The following RIT2 variants were observed in gnomAD, a reference collection of about 807,000 sequenced individuals.
The protein encoded by RIT2 is GTP-binding protein Rit2.
RIT2 carries 24 observed loss-of-function variants against 23.7 expected under a neutral mutation model. That is an observed-to-expected ratio of 1.01 (90% CI 0.73 to 1.43). The LOEUF is 1.43. RIT2 is among the 40% of genes most tolerant of loss of function. The pLI, the probability that RIT2 is intolerant of heterozygous loss-of-function variation, is 0.00. For missense variants in RIT2, 236 were observed against 266.9 expected (o/e 0.88, Z 0.81); for synonymous variants, 107 against 91.1 (o/e 1.17, Z -0.99).
chr18:42,918,574 GC>G (rs1908972804), intron 4 of RIT2, among the ~76,000 whole-genome samples: 1 of 151,968 alleles, frequency 6.6e-6, no homozygotes, highest in African/African-American at 2.4e-5. Flanking sequence ...AGATAATTAA[GC>G]ACTACTCTTA....
rs4349236 is a variant in RIT2, at chr18:42,800,595, A to G, written c.427-56875T>C. On this transcript the variant is annotated intron_variant, in intron 4 of 4. Coordinates refer to ENST00000326695, the MANE Select transcript of RIT2 (RefSeq NM_002930.4). ...TGGAGTGCTGGCGTGGAGTGGCGCC[A>G]TCTGGCTCACTGCAAGCTCCACCTC... Among the ~76,000 whole-genome samples the G allele has an allele frequency of 3.4e-3, 489 of 144,716 alleles. 13 individuals are homozygous for G. In the East Asian group the frequency reaches 0.063, roughly 19 times the overall value. The allele number at this position is 144,716 out of a possible 152,430, so 94.9% of individuals were successfully genotyped here.
intron 4 of RIT2, among the ~76,000 whole-genome samples, chr18:42,855,690 G>A (rs1907162431): frequency 6.6e-6 from 1 of 152,058 alleles, no homozygotes; most frequent in Non-Finnish European, 1.5e-5. Context: ...AGTTCACAAA[G>A]TCTAGTCAGC....
At chr18:43,086,892 C>T (rs1381408191) in intron 1 of RIT2, among the ~76,000 whole-genome samples, 1 of 152,132 alleles carries the variant, frequency 6.6e-6, no homozygotes, top group Non-Finnish European at 1.5e-5. Context: ...AATCTTCCTG[C>T]AGGACAGTGA....
At chr18:43,087,964 T>C (rs574962629) in intron 1 of RIT2, among the ~76,000 whole-genome samples, 2 of 152,330 alleles carry the variant, frequency 1.3e-5, no homozygotes, top group South Asian at 2.1e-4. Flanking sequence ...TGTTTCTTAA[T>C]AATTTTACTT....
intron 4 of RIT2, among the ~76,000 whole-genome samples, chr18:42,816,850 C>T (rs1475702664): frequency 1.3e-5 from 2 of 152,142 alleles, no homozygotes; most frequent in Non-Finnish European, 2.9e-5. Flanking sequence ...TTTGGTTCCA[C>T]TGCTTACTGT....
chr18:43,055,993 GT>G (rs1049642228), intron 1 of RIT2, among the ~76,000 whole-genome samples: 4 of 152,074 alleles, frequency 2.6e-5, no homozygotes, highest in African/African-American at 9.7e-5. Context: ...TAAGCCCTCA[GT>G]TTTTCTCTGA....
At chr18:42,817,103 C>T (rs989468500) in intron 4 of RIT2, among the ~76,000 whole-genome samples, 1 of 151,908 alleles carries the variant, frequency 6.6e-6, no homozygotes, top group African/African-American at 2.4e-5. Flanking sequence ...TCTCAGACTC[C>T]AATCTGGCTC....
At chr18:42,961,426 A>T (rs1910090834) in intron 3 of RIT2, among the ~76,000 whole-genome samples, 1 of 152,204 alleles carries the variant, frequency 6.6e-6, no homozygotes. Context: ...TCCGAATATG[A>T]TTACACTCAG....
At chr18:42,980,613 G>A (rs1160649618) in intron 2 of RIT2, among the ~76,000 whole-genome samples, 4 of 152,118 alleles carry the variant, frequency 2.6e-5, no homozygotes, top group Non-Finnish European at 5.9e-5. Context: ...TTTGCAGGCA[G>A]ATTCTCCAGT....
At chr18:42,950,381 T>A (rs886964509) in intron 3 of RIT2, among the ~76,000 whole-genome samples, 4 of 151,888 alleles carry the variant, frequency 2.6e-5, no homozygotes, top group African/African-American at 9.7e-5. Flanking sequence ...CTTTCACCAT[T>A]AAAAATTAGC....
intron 4 of RIT2, among the ~76,000 whole-genome samples, chr18:42,912,001 A>G (rs1023618501): frequency 2.0e-5 from 3 of 151,908 alleles, no homozygotes; most frequent in Non-Finnish European, 4.4e-5. Context: ...AATGTAGACC[A>G]ATATATCTGA....
intron 4 of RIT2, among the ~76,000 whole-genome samples, chr18:42,787,364 A>G (rs980340759): frequency 6.6e-6 from 1 of 152,136 alleles, no homozygotes; most frequent in Non-Finnish European, 1.5e-5. Flanking sequence ...AACATGGCAC[A>G]TGTATACATA....
At position 43,052,802 on chromosome 18, in the gene RIT2, A is replaced by G. The variant is rs964519764; in HGVS notation, c.104-18935T>C. On this transcript the variant is annotated intron_variant, in intron 1 of 4. Coordinates refer to ENST00000326695, the MANE Select transcript of RIT2 (RefSeq NM_002930.4). ...TATCTGCCTTCTCTCACACTCTAAT[A>G]ATATACATAGGTCTGTGACTTCGAG... Among the ~76,000 whole-genome samples, 12 of 152,174 alleles carry G rather than the reference A, an allele frequency of 7.9e-5. No homozygotes were observed. In the East Asian group the frequency reaches 2.3e-3, roughly 30 times the overall value.
intron 3 of RIT2, among the ~76,000 whole-genome samples, chr18:42,936,595 G>T (rs370780017): frequency 2.6e-5 from 4 of 152,120 alleles, no homozygotes; most frequent in Non-Finnish European, 5.9e-5. Context: ...TCATTCTGTG[G>T]TCTCTATCTT....
At chr18:43,086,862 T>C (rs776643325) in intron 1 of RIT2, among the ~76,000 whole-genome samples, 1 of 152,154 alleles carries the variant, frequency 6.6e-6, no homozygotes, top group African/African-American at 2.4e-5. Flanking sequence ...TAGGTCTAAA[T>C]AGAGTGCAAT....
chr18:43,018,618 A>T (rs180738612), intron 2 of RIT2, among the ~76,000 whole-genome samples: 121 of 152,132 alleles, frequency 8.0e-4, no homozygotes, highest in African/African-American at 2.8e-3. Context: ...ATGAAAAGAC[A>T]TATTTAAAGT....
chr18:42,981,699 T>C (rs1910602935), intron 2 of RIT2, among the ~76,000 whole-genome samples: 1 of 152,062 alleles, frequency 6.6e-6, no homozygotes, highest in African/African-American at 2.4e-5. Context: ...TATTTATTCA[T>C]ATTTTAAGGG....
In RIT2 at chr18:42,878,616, A is replaced by G. The variant is rs1907807488; in HGVS notation, c.426+44956T>C. Among the ~76,000 whole-genome samples, 5 of 151,080 alleles carry G rather than the reference A, an allele frequency of 3.3e-5. No homozygotes were observed. The South Asian group carries it at 1.0e-3, about 31-fold the overall frequency. Reference sequence around the variant, plus strand: ...GTGTGTGTATGTGTGTATAAGTTATATAATCAAACACTGCAATTTCCTGCC... The same window carrying G: ...GTGTGTGTATGTGTGTATAAGTTATGTAATCAAACACTGCAATTTCCTGCC... On this transcript the variant is annotated intron_variant, in intron 4 of 4. Coordinates refer to ENST00000326695, the MANE Select transcript of RIT2 (RefSeq NM_002930.4).
intron 2 of RIT2, among the ~76,000 whole-genome samples, chr18:43,021,623 G>C (rs1911600011): frequency 6.6e-6 from 1 of 151,994 alleles, no homozygotes; most frequent in Non-Finnish European, 1.5e-5. Context: ...GTCAGTTATT[G>C]TGAGATCTGG....
Sources: allele counts gnomAD v4.1 joint callset (sites outside exome capture counted in the v4.1 genomes callset), GRCh38; gene constraint gnomAD v4.1.1; transcripts MANE v1.5; gene names NCBI Gene and HGNC (gene_info 2026-07-23, HGNC 2026-07-21).